The following PPP1R7 variants were observed in gnomAD, a reference collection of about 807,000 sequenced individuals.
The protein encoded by PPP1R7 is protein phosphatase 1 regulatory subunit 22.
A neutral mutation model predicts 45.2 loss-of-function variants in PPP1R7; 18 were observed. That is an observed-to-expected ratio of 0.40 (90% CI 0.28 to 0.59). The LOEUF (loss-of-function observed/expected upper bound fraction) is 0.59. Ranked by LOEUF, PPP1R7 falls within the 20% of genes least tolerant of loss-of-function variation. The pLI is 0.46. For missense variants in PPP1R7, 314 were observed against 455.8 expected (o/e 0.69, Z 2.83); for synonymous variants, 181 against 183.4 (o/e 0.99, Z 0.11).
At chr2:241,166,124 G>A (rs760828398) in intron 7 of PPP1R7, among the ~76,000 whole-genome samples, 5 of 145,904 alleles carry the variant, frequency 3.4e-5, no homozygotes, top group Admixed American at 1.3e-4. Context: ...GGATGGTCTC[G>A]ATCTCCTGAC....
chr2:241,181,951 G>A (rs1466864397), intron 9 of PPP1R7, among the ~76,000 whole-genome samples: 1 of 151,882 alleles, frequency 6.6e-6, no homozygotes, highest in Non-Finnish European at 1.5e-5. Context: ...CCCTTGTTCT[G>A]GAGATGGCAC....
chr2:241,182,828 T>TTCTTGGCTCCTCATGTGGTCCC lies in PPP1R7; in HGVS notation c.*9_*30dup. ...GCCACGTTCGTCAGGTTCTGAGTCC[T>TTCTTGGCTCCTCATGTGGTCCC]TCTTGGCTCCTCATGTGGTCCCTCT... is the stretch of plus-strand genomic sequence containing the variant. On this transcript the variant is annotated 3_prime_UTR_variant, in exon 10 of 10. Transcript: ENST00000234038. 1.2e-6 allele frequency: 2 copies of TTCTTGGCTCCTCATGTGGTCCC among 1,606,418 alleles called. No individual in the cohort carries two copies. The highest frequency in any genetic ancestry group is 1.7e-6 in the Non-Finnish European group (2 of 1,173,490).
intron 6 of PPP1R7, 152 bp downstream of exon 6, chr2:241,160,646 A>G: frequency 2.6e-6 from 2 of 782,278 alleles, no homozygotes; most frequent in Non-Finnish European, 3.9e-6. Context: ...CTATTTTTTT[A>G]AGAAAAAATG....
At chr2:241,158,704 A>G in intron 4 of PPP1R7, 155 bp downstream of exon 4, 1 of 704,764 alleles carries the variant, frequency 1.4e-6, no homozygotes, top group Admixed American at 2.3e-5. Context: ...TACTGGGAGC[A>G]CAGCAGGTGT....
chr2:241,154,279 G>T (rs562531731), intron 2 of PPP1R7, among the ~76,000 whole-genome samples: 45 of 151,732 alleles, frequency 3.0e-4, no homozygotes, highest in African/African-American at 1.0e-3. Context: ...AAATGTTATG[G>T]CTGACTGCTG....
At chr2:241,174,500 C>G (rs1348858004) in intron 9 of PPP1R7, among the ~76,000 whole-genome samples, 3 of 152,026 alleles carry the variant, frequency 2.0e-5, no homozygotes. Flanking sequence ...CATCTCAACT[C>G]TGTGTGGCCA....
At chr2:241,152,318 T>C (rs575482444) in intron 1 of PPP1R7, among the ~76,000 whole-genome samples, 1 of 152,354 alleles carries the variant, frequency 6.6e-6, no homozygotes, top group East Asian at 1.9e-4. Context: ...AGGAAGAGCA[T>C]TCCAGAAATA....
At chr2:241,149,893 C>T (rs2067204726), upstream of PPP1R7, 1 of 1,441,526 alleles carries the variant, frequency 6.9e-7, no homozygotes, top group Non-Finnish European at 9.1e-7. Flanking sequence ...CTAGCGGCCC[C>T]ACCAGCGCAA....
intron 9 of PPP1R7, among the ~76,000 whole-genome samples, chr2:241,172,203 A>G (rs1249373848): frequency 2.0e-5 from 3 of 148,492 alleles, no homozygotes; most frequent in East Asian, 2.0e-4. Flanking sequence ...CTTATTTGCT[A>G]TACCTCTGTA....
chr2:241,183,113 C>T lies in PPP1R7; in HGVS notation c.*290C>T. Reference sequence around the variant, plus strand: ...TCGCTAGAAATCCCTGTTTCCTTCTCTCAGAAGGCAGTCACAGTCCCTACC... The same window carrying T: ...TCGCTAGAAATCCCTGTTTCCTTCTTTCAGAAGGCAGTCACAGTCCCTACC... On this transcript the variant is annotated 3_prime_UTR_variant, in exon 10 of 10. Transcript: ENST00000234038. 1 of 437,798 alleles carries T rather than the reference C, an allele frequency of 2.3e-6. No individual in the cohort carries two copies. The highest frequency in any genetic ancestry group is 4.3e-6 in the Non-Finnish European group (1 of 234,012). The allele number at this position is 437,798 out of a possible 1,614,324, so 27.1% of individuals were successfully genotyped here.
intron 9 of PPP1R7, among the ~76,000 whole-genome samples, chr2:241,179,508 G>T (rs980448289): frequency 1.3e-5 from 2 of 152,184 alleles, no homozygotes; most frequent in African/African-American, 2.4e-5. Context: ...GACAGTGAGG[G>T]ATACTTTACA....
At chr2:241,176,089 C>A (rs969110939) in intron 9 of PPP1R7, among the ~76,000 whole-genome samples, 1 of 152,094 alleles carries the variant, frequency 6.6e-6, no homozygotes, top group East Asian at 1.9e-4. Flanking sequence ...ATTTTAAAAT[C>A]TTTTGTAGAG....
chr2:241,181,961 C>CCACT (rs2068013946), intron 9 of PPP1R7, among the ~76,000 whole-genome samples: 1 of 151,862 alleles, frequency 6.6e-6, no homozygotes. Context: ...GGAGATGGCA[C>CCACT]CACTGCACTC....
At position 241,157,822 on chromosome 2, in the gene PPP1R7, C is replaced by T. The variant is rs754917090; in HGVS notation, c.197C>T (p.Pro66Leu). ...ATTTTTTCAGAAGAACATGAGCTGCCTGTGGACATGGAAACCATCAACCTG... is the reference window on the plus strand; with the variant it reads ...ATTTTTTCAGAAGAACATGAGCTGCTTGTGGACATGGAAACCATCAACCTG... ...EEDPEEEHEL[P>L]VDMETINLDR... The change falls in exon 3 of 10, where the codon CCT becomes CTT. Residue 66 changes from proline (P) to leucine (L), a missense_variant. Physicochemically the swap from Pro to Leu is moderately conservative, Grantham distance 98 (BLOSUM62 -3). This residue lies in a region of PPP1R7 where 112 missense variants were observed against 144.5 expected (regional missense o/e 0.78). Coordinates refer to ENST00000234038, the MANE Select transcript of PPP1R7 (RefSeq NM_002712.3). The T allele has an allele frequency of 8.7e-6, 14 of 1,613,852 alleles. No homozygotes were observed. Among genetic ancestry groups the T allele is most frequent in the Non-Finnish European group, 2.5e-6 (3 of 1,179,876 alleles).
rs755178987 is a variant in PPP1R7 at position 241,160,391 on chromosome 2, G to T, written c.494G>T (p.Arg165Leu). ...RNIEGVDKLTRLKKLFLVNNK... is the reference protein window; with the variant it reads ...RNIEGVDKLTLLKKLFLVNNK... Reference sequence around the variant, plus strand: ...ATCGAAGGGGTTGACAAGTTGACACGACTGAAAAAACTCTTCTTGGTCAAC... The same window carrying T: ...ATCGAAGGGGTTGACAAGTTGACACTACTGAAAAAACTCTTCTTGGTCAAC... The change falls in exon 6 of 10, where the codon CGA (arginine) becomes CTA (leucine). Residue 165 changes from arginine to leucine, a missense_variant. By Grantham distance (102) the Arg-to-Leu change is moderately radical (BLOSUM62 -2). Coordinates refer to ENST00000234038, the MANE Select transcript of PPP1R7 (RefSeq NM_002712.3). The T allele has an allele frequency of 6.2e-7, 1 of 1,612,618 alleles. No homozygotes were observed. Among genetic ancestry groups the T allele is most frequent in the South Asian group, 1.1e-5 (1 of 90,666 alleles).
At chr2:241,172,361 A>C (rs533686686) in intron 9 of PPP1R7, among the ~76,000 whole-genome samples, 1 of 152,292 alleles carries the variant, frequency 6.6e-6, no homozygotes, top group African/African-American at 2.4e-5. Context: ...AAATTTAAAA[A>C]TGGCCAGGCG....
chr2:241,169,919 C>G (rs1218227131), intron 9 of PPP1R7, 52 bp downstream of exon 9: 1 of 1,379,278 alleles, frequency 7.3e-7, no homozygotes, highest in Non-Finnish European at 1.0e-6. Context: ...ACTGGTCTCA[C>G]TGATTAAAAT....
intron 6 of PPP1R7, among the ~76,000 whole-genome samples, chr2:241,162,688 T>G (rs1306011998): frequency 6.6e-6 from 1 of 151,004 alleles, no homozygotes; most frequent in African/African-American, 2.4e-5. Context: ...GAGGACTTTT[T>G]TTTTTTTTTT....
intron 5 of PPP1R7, among the ~76,000 whole-genome samples, chr2:241,160,081 G>A (rs909167364): frequency 6.6e-6 from 1 of 152,144 alleles, no homozygotes; most frequent in African/African-American, 2.4e-5. Context: ...ACCATACTGG[G>A]AGCCAGGGCA....
Sources: gnomAD v4.1 joint callset for allele counts (sites outside exome capture counted in the v4.1 genomes callset) on GRCh38, gnomAD v4.1.1 for gene constraint, gnomAD v4.1.1 regional missense constraint, MANE v1.5 for transcripts, NCBI Gene and HGNC (gene_info 2026-07-23, HGNC 2026-07-21) for gene names.